The following ADAM9 variants were observed in gnomAD, a reference collection of about 807,000 sequenced individuals.
The protein encoded by ADAM9 is disintegrin and metalloproteinase domain-containing protein 9.
Under a neutral mutation model 108.1 loss-of-function variants are expected in ADAM9, and 54 were observed. That is an observed-to-expected ratio of 0.50 (90% CI 0.40 to 0.63). The LOEUF is 0.63. Among genes scored for constraint, ADAM9 ranks in the 20% least tolerant of loss-of-function variants. ADAM9 has a pLI of 0.00. For synonymous variants in ADAM9, 316 were observed against 336.0 expected, an observed-to-expected ratio of 0.94 and a Z score of 0.65; for missense variants, 830 against 997.7, an observed-to-expected ratio of 0.83 and a Z score of 2.26.
chr8:39,098,534 C>A (rs939449701), intron 20 of ADAM9, among the ~76,000 whole-genome samples: 3 of 152,216 alleles, frequency 2.0e-5, no homozygotes, highest in South Asian at 4.1e-4. Context: ...ATCTACTTAA[C>A]CAACTCATTG....
rs1835847135 is a variant in ADAM9 at position 38,997,278 on chromosome 8, G to C, written c.97+118G>C. 12 of 1,220,268 alleles carry C rather than the reference G, an allele frequency of 9.8e-6. No individual in the cohort carries two copies. In the Admixed American group the frequency reaches 2.3e-4, roughly 24 times the overall value. 75.6% of individuals were successfully genotyped at this position (1,220,268 alleles called of 1,614,324 possible). On this transcript the variant is annotated intron_variant, in intron 1 of 21. Transcript: ENST00000487273. Reference sequence around the variant, plus strand: ...CGGCCTGGGGATCGGACCCGGGGTCGGGGGGCGCGGCCGCTCCAGGTGTGT... The same window carrying C: ...CGGCCTGGGGATCGGACCCGGGGTCCGGGGGCGCGGCCGCTCCAGGTGTGT...
At chr8:39,008,123 T>C in intron 2 of ADAM9, 140 bp downstream of exon 2, 1 of 664,752 alleles carries the variant, frequency 1.5e-6, no homozygotes, top group South Asian at 1.7e-5. Context: ...ATGGTACTGA[T>C]GTCCCCTGGA....
chr8:39,071,661 T>A (rs1272457462), intron 15 of ADAM9, among the ~76,000 whole-genome samples: 1 of 152,102 alleles, frequency 6.6e-6, no homozygotes, highest in Non-Finnish European at 1.5e-5. Flanking sequence ...GAGATGGGGT[T>A]TCACCATGTT....
chr8:39,054,707 G>A, intron 13 of ADAM9, 134 bp downstream of exon 13: 3 of 688,254 alleles, frequency 4.4e-6, no homozygotes, highest in Middle Eastern at 3.0e-4. Flanking sequence ...AAAATTTTAT[G>A]CCACTTGTGT....
chr8:39,084,528 GTTACTAATT>G (rs1839124049), intron 18 of ADAM9, among the ~76,000 whole-genome samples: 2 of 149,866 alleles, frequency 1.3e-5, no homozygotes, highest in African/African-American at 4.9e-5. Context: ...TTATCTTAAT[GTTACTAATT>G]TAAATTTTAC....
chr8:39,020,654 A>C (rs1041082704), intron 7 of ADAM9, among the ~76,000 whole-genome samples: 3 of 152,204 alleles, frequency 2.0e-5, no homozygotes, highest in African/African-American at 7.2e-5. Flanking sequence ...ACTAGTGATT[A>C]TTGGTTAATC....
intron 11 of ADAM9, among the ~76,000 whole-genome samples, chr8:39,028,597 T>C (rs931886772): frequency 2.6e-5 from 4 of 152,182 alleles, no homozygotes; most frequent in Admixed American, 6.5e-5. Context: ...TGGAATTTAA[T>C]ATGGTATAGG....
At chr8:39,069,761 A>T (rs535385860) in intron 14 of ADAM9, among the ~76,000 whole-genome samples, 1 of 152,196 alleles carries the variant, frequency 6.6e-6, no homozygotes, top group Admixed American at 6.5e-5. Context: ...AATAGGACAT[A>T]TTGAAATATT....
At chr8:39,006,342 G>T (rs1160628469) in intron 1 of ADAM9, among the ~76,000 whole-genome samples, 2 of 151,956 alleles carry the variant, frequency 1.3e-5, no homozygotes, top group African/African-American at 4.8e-5. Context: ...TTTCTTGTTT[G>T]CAGCTGTTTG....
At chr8:39,085,720 T>A (rs1341638300) in intron 18 of ADAM9, among the ~76,000 whole-genome samples, 1 of 152,178 alleles carries the variant, frequency 6.6e-6, no homozygotes, top group Admixed American at 6.5e-5. Flanking sequence ...ATGTCTTCCG[T>A]ATATGTCTTT....
intron 18 of ADAM9, among the ~76,000 whole-genome samples, chr8:39,084,774 A>G (rs1839135524): frequency 6.6e-6 from 1 of 152,048 alleles, no homozygotes; most frequent in Non-Finnish European, 1.5e-5. Context: ...TTACTCTGTC[A>G]GTTATTGAGA....
At chr8:39,047,570 G>C (rs955564015) in intron 12 of ADAM9, among the ~76,000 whole-genome samples, 4 of 151,904 alleles carry the variant, frequency 2.6e-5, no homozygotes, top group Admixed American at 2.6e-4. Flanking sequence ...AGGTGATCCA[G>C]TTTGTTGATG....
At chr8:39,039,550 A>G (rs1837392072) in intron 11 of ADAM9, among the ~76,000 whole-genome samples, 1 of 152,116 alleles carries the variant, frequency 6.6e-6, no homozygotes, top group Non-Finnish European at 1.5e-5. Flanking sequence ...TACATGTCCC[A>G]TTTCCTCCAC....
chr8:39,055,493 G>A (rs1838090462), intron 13 of ADAM9, 84 bp from the exon 14 acceptor site: 1 of 1,347,566 alleles, frequency 7.4e-7, no homozygotes. Context: ...ATGCTTTATA[G>A]ATGTAAATGC....
At chr8:39,037,441 AGT>A (rs748459761) in intron 11 of ADAM9, among the ~76,000 whole-genome samples, 5,087 of 140,604 alleles carry the variant, frequency 0.036, 264 homozygotes, top group African/African-American at 0.13. Flanking sequence ...TATATATTTA[AGT>A]GTGTGTGTGT....
intron 1 of ADAM9, among the ~76,000 whole-genome samples, chr8:38,998,939 C>T: frequency 6.6e-6 from 1 of 152,124 alleles, no homozygotes; most frequent in East Asian, 1.9e-4. Context: ...GTAGGAAGTT[C>T]TTTGGGCAGT....
In ADAM9 at chr8:39,045,025, T is replaced by TGC. The variant is rs1194389422; in HGVS notation, c.1302+2909_1302+2910insCG. ...ACATACCTATGTATGTGTATGTGTGTGTGCATACATACATATGTATGTGTA... is the reference window on the plus strand; with the variant it reads ...ACATACCTATGTATGTGTATGTGTGTGCGTGCATACATACATATGTATGTGTA... On this transcript the variant is annotated intron_variant, in intron 12 of 21. Coordinates refer to ENST00000487273, the MANE Select transcript of ADAM9 (RefSeq NM_003816.3). Among the ~76,000 whole-genome samples the TGC allele has an allele frequency of 9.2e-5, 12 of 131,126 alleles. 3 individuals carry two copies. In the Middle Eastern group the frequency reaches 0.017, roughly 182 times the overall value. The allele number at this position is 131,126 out of a possible 152,430, so 86.0% of individuals were successfully genotyped here.
At chr8:39,082,320 C>G (rs1270968505) in intron 16 of ADAM9, among the ~76,000 whole-genome samples, 1 of 152,022 alleles carries the variant, frequency 6.6e-6, no homozygotes, top group Non-Finnish European at 1.5e-5. Flanking sequence ...TATCTAGTTA[C>G]TTTTGATTTG....
At position 39,005,312 on chromosome 8, in the gene ADAM9, A is replaced by G. The variant is rs373245078; in HGVS notation, c.98-2574A>G. On this transcript the variant is annotated intron_variant, in intron 1 of 21. Transcript: ENST00000487273. ...TGTTGAGTTCACAACACAAAAGGTG[A>G]TATCTAGAAGATTAGTAAGATTAAT... Among the ~76,000 whole-genome samples the G allele has an allele frequency of 1.3e-3, 198 of 152,328 alleles. No individual in the cohort carries two copies. In the Middle Eastern group the frequency reaches 0.014, roughly 10 times the overall value.
Sources: gnomAD v4.1 joint callset for allele counts (sites outside exome capture counted in the v4.1 genomes callset) on GRCh38, gnomAD v4.1.1 for gene constraint, MANE v1.5 for transcripts, NCBI Gene and HGNC (gene_info 2026-07-23, HGNC 2026-07-21) for gene names.